The following EGFR variants were observed in gnomAD, a reference collection of about 807,000 sequenced individuals.
EGFR encodes avian erythroblastic leukemia viral (v-erb-b) oncogene homolog.
EGFR carries 58 observed loss-of-function variants against 143.0 expected under a neutral mutation model. The observed-to-expected ratio is 0.41, with a 90% confidence interval of 0.33 to 0.50. The LOEUF (loss-of-function observed/expected upper bound fraction) is 0.50. Ranked by LOEUF, EGFR falls within the 20% of genes least tolerant of loss-of-function variation. EGFR has a pLI of 0.39. For missense variants in EGFR, 1,307 were observed against 1,579.0 expected (o/e 0.83, Z 2.92); for synonymous variants, 613 against 594.4 (o/e 1.03, Z -0.45).
intron 1 of EGFR, chr7:55,110,059 C>A: frequency 1.8e-6 from 1 of 560,166 alleles, no homozygotes; most frequent in Non-Finnish European, 2.3e-6. Flanking sequence ...TGAGATACTG[C>A]TGGGGAGGGA....
intron 1 of EGFR, among the ~76,000 whole-genome samples, chr7:55,060,148 C>G (rs1269339825): frequency 6.6e-6 from 1 of 152,232 alleles, no homozygotes; most frequent in Admixed American, 6.5e-5. Context: ...ATTTCTGTCA[C>G]TCTGCATTTT....
At chr7:55,115,484 A>G (rs1284372818) in intron 1 of EGFR, among the ~76,000 whole-genome samples, 1 of 152,210 alleles carries the variant, frequency 6.6e-6, no homozygotes, top group African/African-American at 2.4e-5. Context: ...TTAAGAAGTT[A>G]TATTTATTAT....
At chr7:55,112,749 T>C (rs1792589667) in intron 1 of EGFR, among the ~76,000 whole-genome samples, 1 of 152,204 alleles carries the variant, frequency 6.6e-6, no homozygotes, top group Admixed American at 6.5e-5. Context: ...ATGGAATTGC[T>C]GTCGGAGGGC....
chr7:55,108,736 C>G (rs1291894186), intron 1 of EGFR, among the ~76,000 whole-genome samples: 1 of 152,168 alleles, frequency 6.6e-6, no homozygotes, highest in Non-Finnish European at 1.5e-5. Flanking sequence ...ACTCCATTCT[C>G]AAAGCACAGT....
intron 10 of EGFR, 148 bp downstream of exon 10, chr7:55,156,980 T>G (rs1785452802): frequency 4.0e-6 from 6 of 1,512,502 alleles, no homozygotes; most frequent in Non-Finnish European, 5.3e-6. Context: ...TTTTCAAAAG[T>G]GCAGTTTCTC....
intron 1 of EGFR, among the ~76,000 whole-genome samples, chr7:55,099,602 A>G (rs1360235587): frequency 6.6e-6 from 1 of 152,212 alleles, no homozygotes; most frequent in Non-Finnish European, 1.5e-5. Context: ...CGAGGGGTTC[A>G]CCACCAGAGC....
chr7:55,151,564 G>A (rs1302515701), intron 5 of EGFR, among the ~76,000 whole-genome samples: 2 of 152,204 alleles, frequency 1.3e-5, no homozygotes, highest in African/African-American at 4.8e-5. Flanking sequence ...GGGAGCTTCA[G>A]CCTATCACAA....
At chr7:55,130,243 T>C (rs1454000643) in intron 1 of EGFR, among the ~76,000 whole-genome samples, 1 of 152,160 alleles carries the variant, frequency 6.6e-6, no homozygotes, top group Admixed American at 6.5e-5. Context: ...GGGAGCCATC[T>C]AATGTCAAGT....
At chr7:55,146,857 T>C in intron 4 of EGFR, 117 bp downstream of exon 4, 1 of 1,416,174 alleles carries the variant, frequency 7.1e-7, no homozygotes, top group South Asian at 1.2e-5. Flanking sequence ...AAACAAAAAG[T>C]AGTAAGCAAA....
chr7:55,205,791 G>A lies in EGFR; in HGVS notation c.*174G>A. On this transcript the variant is annotated 3_prime_UTR_variant, in exon 28 of 28. Transcript: ENST00000275493. Reference sequence around the variant, plus strand: ...AGTACTTCCACCTCGGGCACATTTTGGGAAGTTGCATTCCTTTGTCTTCAA... The same window carrying A: ...AGTACTTCCACCTCGGGCACATTTTAGGAAGTTGCATTCCTTTGTCTTCAA... 1.1e-6 allele frequency: 1 copy of A among 934,930 alleles called. No individual in the cohort carries two copies. Among genetic ancestry groups the A allele is most frequent in the Non-Finnish European group, 1.6e-6 (1 of 618,194 alleles). The allele number at this position is 934,930 out of a possible 1,614,324, so 57.9% of individuals were successfully genotyped here. A position where few individuals can be genotyped will look rare whatever the true frequency, so the allele number is the denominator to read the frequency against.
At chr7:55,144,947 G>T (rs543200815) in intron 3 of EGFR, among the ~76,000 whole-genome samples, 1 of 152,340 alleles carries the variant, frequency 6.6e-6, no homozygotes, top group East Asian at 1.9e-4. Flanking sequence ...TTAAGTGACT[G>T]TAGGAACAGG....
At chr7:55,078,972 C>T (rs1790298312) in intron 1 of EGFR, among the ~76,000 whole-genome samples, 1 of 152,174 alleles carries the variant, frequency 6.6e-6, no homozygotes, top group African/African-American at 2.4e-5. Flanking sequence ...AGGGAGCAGG[C>T]GGGTACTTCT....
At chr7:55,048,403 T>A (rs556532070) in intron 1 of EGFR, among the ~76,000 whole-genome samples, 2 of 152,218 alleles carry the variant, frequency 1.3e-5, no homozygotes, top group African/African-American at 4.8e-5. Flanking sequence ...GAATGCCCCA[T>A]GGCCTCTGGG....
intron 1 of EGFR, among the ~76,000 whole-genome samples, chr7:55,085,520 G>A (rs928761641): frequency 6.6e-6 from 1 of 152,194 alleles, no homozygotes; most frequent in South Asian, 2.1e-4. Context: ...TATCTCTAAA[G>A]TATTATCATG....
intron 1 of EGFR, among the ~76,000 whole-genome samples, chr7:55,140,808 A>G (rs1794416137): frequency 6.6e-6 from 1 of 152,328 alleles, no homozygotes; most frequent in South Asian, 2.1e-4. Flanking sequence ...CTGAAATTGA[A>G]TGAGAACACA....
chr7:55,146,576 A>C (rs370246090), intron 3 of EGFR, 30 bp from the exon 4 acceptor site: 20 of 1,613,790 alleles, frequency 1.2e-5, no homozygotes, highest in Non-Finnish European at 1.7e-5. Flanking sequence ...AGCTGGAAAG[A>C]GTGCTCACCG....
At chr7:55,143,239 AT>A in intron 2 of EGFR, 65 bp from the exon 3 acceptor site, 5 of 1,597,804 alleles carry the variant, frequency 3.1e-6, no homozygotes, top group Non-Finnish European at 4.3e-6. Flanking sequence ...CCCTGGACCC[AT>A]TTTAGACCTT....
At chr7:55,103,785 T>C (rs1369377337) in intron 1 of EGFR, among the ~76,000 whole-genome samples, 1 of 152,234 alleles carries the variant, frequency 6.6e-6, no homozygotes, top group Non-Finnish European at 1.5e-5. Flanking sequence ...CACATCCTTA[T>C]ATATACTTGA....
chr7:55,113,115 C>T (rs1792616945), intron 1 of EGFR, among the ~76,000 whole-genome samples: 1 of 152,160 alleles, frequency 6.6e-6, no homozygotes, highest in Admixed American at 6.5e-5. Context: ...GCAGCGATTC[C>T]TGTATGTTGT....
Sources: allele counts gnomAD v4.1 joint callset (sites outside exome capture counted in the v4.1 genomes callset), GRCh38; gene constraint gnomAD v4.1.1; transcripts MANE v1.5; gene names NCBI Gene and HGNC (gene_info 2026-07-23, HGNC 2026-07-21).